Variants in MCPH1 observed in about 807,000 individuals in gnomAD.
MCPH1 encodes the protein microcephalin 1, also known as microcephalin.
MCPH1 carries 104 observed loss-of-function variants against 84.5 expected under a neutral mutation model. That is an observed-to-expected ratio of 1.23 (90% CI 1.05 to 1.45). The LOEUF is 1.45. Among genes scored for constraint, MCPH1 ranks in the 40% most tolerant of loss-of-function variants. The probability of loss-of-function intolerance (pLI) is 0.00; values close to 1 mark genes in which losing one functional copy is unlikely to be tolerated. For missense variants in MCPH1, 1,498 were observed against 1,005.7 expected (o/e 1.49, Z -6.62); for synonymous variants, 514 against 366.8 (o/e 1.40, Z -4.58).
At chr8:6,568,421 A>G (rs9987259) in intron 12 of MCPH1, among the ~76,000 whole-genome samples, 6,239 of 152,316 alleles carry the variant, frequency 0.041, 448 homozygotes, top group African/African-American at 0.14. Flanking sequence ...GTCAGCACAA[A>G]GTGGAGCAGC....
chr8:6,596,806 C>T (rs1001848831), intron 12 of MCPH1, among the ~76,000 whole-genome samples: 1 of 152,152 alleles, frequency 6.6e-6, no homozygotes, highest in African/African-American at 2.4e-5. Context: ...TGATAGCCTC[C>T]TAAAATGCTA....
Position 6,480,869 on chromosome 8 carries a change from A to G in MCPH1, c.2129A>G (p.Tyr710Cys), listed in dbSNP as rs1344916776. Residue 710 changes from tyrosine to cysteine, a missense_variant, in exon 11 of 14, where the codon TAT becomes TGT. Transcript: ENST00000344683. Reference protein sequence around the residue: ...GIARGCWVLSYDWVLWSLELG... With the variant: ...GIARGCWVLSCDWVLWSLELG... ...GCGCGTGGCTGCTGGGTTCTCTCTT[A>G]TGATTGGGTAAGCCCTGTGTGTGAA... The G allele has an allele frequency of 4.3e-6, 7 of 1,614,032 alleles. No individual in the cohort carries two copies. Among genetic ancestry groups the G allele is most frequent in the Non-Finnish European group, 5.9e-6 (7 of 1,180,028 alleles).
At chr8:6,498,679 T>C (rs1435829197) in intron 11 of MCPH1, among the ~76,000 whole-genome samples, 1 of 152,240 alleles carries the variant, frequency 6.6e-6, no homozygotes. Flanking sequence ...TATTTCTCAC[T>C]GTACTATTCT....
In MCPH1 at chr8:6,647,426, A is replaced by G. The variant is rs1024392825; in HGVS notation, c.*4377A>G. ...TGACCCAGCAATTTCACTCTCAGGT[A>G]TATAACCAAAATACATGAAAACATG... is the stretch of plus-strand genomic sequence containing the variant. On this transcript the variant is annotated 3_prime_UTR_variant, in exon 14 of 14. Transcript: ENST00000344683. 3 of 152,234 alleles carry G rather than the reference A, an allele frequency of 2.0e-5. No individual in the cohort carries two copies. Among genetic ancestry groups the G allele is most frequent in the Non-Finnish European group, 4.4e-5 (3 of 68,042 alleles). 9.4% of individuals were successfully genotyped at this position (152,234 alleles called of 1,614,324 possible).
At chr8:6,412,220 C>T (rs1334851346) in intron 2 of MCPH1, among the ~76,000 whole-genome samples, 1 of 152,134 alleles carries the variant, frequency 6.6e-6, no homozygotes, top group Non-Finnish European at 1.5e-5. Context: ...CTGTAATACA[C>T]TGGAATGTAG....
intron 9 of MCPH1, among the ~76,000 whole-genome samples, chr8:6,468,265 T>A (rs1055956638): frequency 2.0e-5 from 3 of 152,106 alleles, no homozygotes; most frequent in African/African-American, 7.2e-5. Flanking sequence ...TGGTCCTTTG[T>A]TTGGGGAAGG....
At chr8:6,503,532 C>G (rs528036235) in intron 12 of MCPH1, among the ~76,000 whole-genome samples, 2 of 152,126 alleles carry the variant, frequency 1.3e-5, no homozygotes, top group African/African-American at 2.4e-5. Context: ...TCTCCACAGT[C>G]CTATTTGGTA....
intron 9 of MCPH1, chr8:6,474,124 G>A (rs563642693): frequency 3.7e-5 from 28 of 763,564 alleles, no homozygotes; most frequent in South Asian, 2.4e-4. Context: ...AATCACAACC[G>A]TGGTAATCAA....
chr8:6,542,980 T>C (rs532379745), intron 12 of MCPH1, among the ~76,000 whole-genome samples: 1 of 152,122 alleles, frequency 6.6e-6, no homozygotes, highest in Non-Finnish European at 1.5e-5. Context: ...GCGTGTGTTG[T>C]TTCTGTTTTA....
chr8:6,521,065 T>C (rs544673528), intron 12 of MCPH1: 6 of 710,934 alleles, frequency 8.4e-6, no homozygotes, highest in Non-Finnish European at 1.4e-5. Flanking sequence ...ATATTTCATA[T>C]GAAATATATG....
intron 12 of MCPH1, among the ~76,000 whole-genome samples, chr8:6,573,487 A>G (rs912630807): frequency 1.3e-5 from 2 of 152,198 alleles, no homozygotes; most frequent in Non-Finnish European, 2.9e-5. Flanking sequence ...TAACTTGGCA[A>G]TAGTTTTTAA....
At chr8:6,603,451 T>C (rs1295334439) in intron 12 of MCPH1, among the ~76,000 whole-genome samples, 1 of 152,230 alleles carries the variant, frequency 6.6e-6, no homozygotes, top group Non-Finnish European at 1.5e-5. Context: ...TATACCTCAG[T>C]AAAGTTGATT....
At chr8:6,473,320 C>CTTTTTTTTTTTTTTTTTTTTTTTTTT (rs56077837) in intron 9 of MCPH1, among the ~76,000 whole-genome samples, 1 of 76,396 alleles carries the variant, frequency 1.3e-5, no homozygotes, top group African/African-American at 5.3e-5. Context: ...TCTCTCAATC[C>CTTTTTTTTTTTTTTTTTTTTTTTTTT]TTTTTTTTTT....
intron 2 of MCPH1, among the ~76,000 whole-genome samples, chr8:6,410,575 A>G (rs1377661208): frequency 6.6e-6 from 1 of 152,194 alleles, no homozygotes; most frequent in Non-Finnish European, 1.5e-5. Context: ...TTGACTTAAT[A>G]ATGTCCTTGA....
At chr8:6,411,985 A>G (rs1798602605) in intron 2 of MCPH1, among the ~76,000 whole-genome samples, 1 of 152,180 alleles carries the variant, frequency 6.6e-6, no homozygotes, top group African/African-American at 2.4e-5. Flanking sequence ...ACCATTAAAA[A>G]TGGGAGAAAA....
intron 8 of MCPH1, among the ~76,000 whole-genome samples, chr8:6,448,627 T>G (rs1804707814): frequency 6.6e-6 from 1 of 152,200 alleles, no homozygotes. Flanking sequence ...CACACATTTC[T>G]TGTGTGTGTG....
intron 13 of MCPH1, among the ~76,000 whole-genome samples, chr8:6,628,265 T>C (rs909351642): frequency 4.0e-5 from 6 of 151,824 alleles, no homozygotes; most frequent in African/African-American, 1.2e-4. Context: ...GGTCAGGAGA[T>C]CGAGACCATC....
At chr8:6,504,285 TC>T (rs1241961390) in intron 12 of MCPH1, among the ~76,000 whole-genome samples, 21 of 123,012 alleles carry the variant, frequency 1.7e-4, no homozygotes, top group African/African-American at 6.7e-4. Flanking sequence ...GCCACTGCAC[TC>T]CAGCCTGGGC....
intron 2 of MCPH1, 134 bp downstream of exon 2, chr8:6,409,504 G>C (rs1416189009): frequency 2.8e-6 from 2 of 722,714 alleles, no homozygotes; most frequent in South Asian, 1.5e-5. Context: ...GGAGAAAAAA[G>C]AGCCAAAGTG....
Sources: allele counts gnomAD v4.1 joint callset (sites outside exome capture counted in the v4.1 genomes callset), GRCh38; gene constraint gnomAD v4.1.1; transcripts MANE v1.5; gene names NCBI Gene and HGNC (gene_info 2026-07-23, HGNC 2026-07-21).